The following SLC25A6 variants were observed in gnomAD, a reference collection of about 807,000 sequenced individuals.
SLC25A6 encodes ADP/ATP translocase 3.
Under a neutral mutation model 25.7 loss-of-function variants are expected in SLC25A6, and 9 were observed. The ratio of observed to expected loss-of-function variants is 0.35; its 90% CI spans 0.21 to 0.61. The LOEUF (loss-of-function observed/expected upper bound fraction) is 0.61. SLC25A6 is among the 20% of genes least tolerant of loss of function. The pLI is 0.76. For missense variants in SLC25A6, 404 were observed against 440.5 expected, an observed-to-expected ratio of 0.92 and a Z score of 0.74; for synonymous variants, 223 against 197.0, an observed-to-expected ratio of 1.13 and a Z score of -1.11.
Position 1,389,430 on chromosome X carries a change from C to T in SLC25A6, c.409G>A (p.Ala137Thr), listed in dbSNP as rs200654415. ...SLCFVYPLDF[A>T]RTRLAADVGK... ...ACGTCCGCTGCCAGGCGGGTTCTGG[C>T]GAAATCCAGCGGGTACACGAAGCAG... Residue 137 changes from alanine to threonine, a missense_variant, in exon 2 of 4, where the codon GCC becomes ACC. Physicochemically the swap from Ala to Thr is moderately conservative, Grantham distance 58 (BLOSUM62 0). Transcript: ENST00000381401. 100 of 1,613,820 alleles carry T rather than the reference C, an allele frequency of 6.2e-5. No individual in the cohort carries two copies. The Admixed American group carries it at 1.2e-3, about 19-fold the overall frequency.
chrX:1,391,821 G>A (rs1182134921), intron 1 of SLC25A6, 78 bp downstream of exon 1: 23 of 1,158,750 alleles, frequency 2.0e-5, no homozygotes, highest in Non-Finnish European at 2.8e-5. Flanking sequence ...GCAAGGCTCT[G>A]CTGCCCACGT....
chrX:1,386,679 C>T lies in SLC25A6; in HGVS notation c.820G>A (p.Ala274Thr). 2 of 1,613,360 alleles carry T rather than the reference C, an allele frequency of 1.2e-6. No individual in the cohort carries two copies. The highest frequency in any genetic ancestry group is 1.1e-5 in the South Asian group (1 of 91,014). Residue 274 changes from alanine to threonine, a missense_variant, in exon 4 of 4, where the codon GCG (alanine) becomes ACG (threonine). Physicochemically the swap from Ala to Thr is moderately conservative, Grantham distance 58. Coordinates refer to ENST00000381401, the MANE Select transcript of SLC25A6 (RefSeq NM_001636.4). ...ATGCCCCGCAGGACGTTGGACCACG[C>T]ACCCTTGAAGAAGGCCTTGCCCCCC... ...DEGGKAFFKG[A>T]WSNVLRGMGG... is the part of the protein sequence containing the mutation.
At position 1,389,241 on chromosome X, in the gene SLC25A6, C is replaced by A. The variant is rs752633909; in HGVS notation, c.598G>T (p.Gly200Cys). The A allele has an allele frequency of 6.2e-7, 1 of 1,610,860 alleles. No homozygotes were observed. The highest frequency in any genetic ancestry group is 1.3e-5 in the African/African-American group (1 of 74,968). ...AYFGVYDTAK[G>C]MLPDPKNTHI... ...ACTTCGCGATGGCAGCCACACGTAC[C>A]CTTGGCCGTATCGTACACGCCGAAG... The change falls in exon 2 of 4, where the codon GGC (glycine) becomes TGC (cysteine). Residue 200 changes from glycine to cysteine, a missense_variant and splice_region_variant. Physicochemically the swap from Gly to Cys is radical, Grantham distance 159 (BLOSUM62 -3). Coordinates refer to ENST00000381401, the MANE Select transcript of SLC25A6 (RefSeq NM_001636.4).
chrX:1,388,666 C>A (rs1279419600), intron 2 of SLC25A6, among the ~76,000 whole-genome samples: 3 of 152,002 alleles, frequency 2.0e-5, no homozygotes, highest in African/African-American at 7.3e-5. Context: ...TCAGGAGGAA[C>A]CAGCCCTGCC....
In SLC25A6 at chrX:1,389,521, G is replaced by T; in HGVS notation, c.318C>A (p.His106Gln). The change falls in exon 2 of 4, where the codon CAC (histidine) becomes CAA (glutamine). Residue 106 changes from histidine (H) to glutamine (Q), a missense_variant. Physicochemically the swap from His to Gln is conservative, Grantham distance 24. Transcript: ENST00000381401. Reference protein sequence around the residue: ...KQIFLGGVDKHTQFWRYFAGN... With the variant: ...KQIFLGGVDKQTQFWRYFAGN... ...CCGCAAAGTACCTCCAGAACTGCGT[G>T]TGCTTGTCCACGCCCCCCAGGAAGA... 6.2e-7 allele frequency: 1 copy of T among 1,614,212 alleles called. No homozygotes were observed. The highest frequency in any genetic ancestry group is 8.5e-7 in the Non-Finnish European group (1 of 1,180,038).
Position 1,389,406 on chromosome X carries a change from C to A in SLC25A6, c.433G>T (p.Val145Leu). 1.2e-6 allele frequency: 2 copies of A among 1,613,792 alleles called. No homozygotes were observed. The highest frequency in any genetic ancestry group is 1.7e-6 in the Non-Finnish European group (2 of 1,179,872). ...DFARTRLAAD[V>L]GKSGTEREFR... ...TCGCGCTCTGTGCCTGACTTTCCCA[C>A]GTCCGCTGCCAGGCGGGTTCTGGCG... Residue 145 changes from valine (V) to leucine (L), a missense_variant, in exon 2 of 4, where the codon GTG becomes TTG. Transcript: ENST00000381401.
rs1481649736 is a variant in SLC25A6 at position 1,389,237 on chromosome X, G to A, written c.598+4C>T. ...TGGGACTTCGCGATGGCAGCCACAC[G>A]TACCCTTGGCCGTATCGTACACGCC... On this transcript the variant is annotated splice_donor_region_variant and intron_variant, in intron 2 of 3. Transcript: ENST00000381401. The A allele has an allele frequency of 4.4e-6, 7 of 1,608,586 alleles. No homozygotes were observed. Among genetic ancestry groups the A allele is most frequent in the South Asian group, 3.3e-5 (3 of 90,984 alleles).
rs765298151 is a variant in SLC25A6 at position 1,389,248 on chromosome X, C to T, written c.591G>A (p.Thr197=). 2.0e-5 allele frequency: 32 copies of T among 1,611,282 alleles called. No homozygotes were observed. The highest frequency in any genetic ancestry group is 1.0e-4 in the Admixed American group (6 of 59,962). The change falls in exon 2 of 4, where the codon ACG becomes ACA. Residue 197 remains threonine, a synonymous_variant. Transcript: ENST00000381401. ...YRAAYFGVYD[T]AKGMLPDPKN... is the part of the protein sequence containing the mutation. ...GATGGCAGCCACACGTACCCTTGGC[C>T]GTATCGTACACGCCGAAGTAGGCCG...
chrX:1,386,579 G>T lies in SLC25A6; in HGVS notation c.*23C>A. On this transcript the variant is annotated 3_prime_UTR_variant, in exon 4 of 4. Coordinates refer to ENST00000381401, the MANE Select transcript of SLC25A6 (RefSeq NM_001636.4). The stretch of plus-strand genomic sequence containing the variant: ...CTCTTGGTTCCCCTGGTGTGTGTGT[G>T]TGTGTGGAGGAGGCCGCGGCCCTTA... 1 of 1,525,060 alleles carries T rather than the reference G, an allele frequency of 6.6e-7. No individual in the cohort carries two copies. The highest frequency in any genetic ancestry group is 8.8e-7 in the Non-Finnish European group (1 of 1,138,380). 94.5% of individuals were successfully genotyped at this position (1,525,060 alleles called of 1,614,324 possible).
rs765383915 is a variant in SLC25A6 at position 1,392,044 on chromosome X, C to G, written c.-35G>C. ...GCGGGCAGCGGAACGGGAGGACAGCCGGAGAACGGGCGCGGAGAGTGAATG... is the reference window on the plus strand; with the variant it reads ...GCGGGCAGCGGAACGGGAGGACAGCGGGAGAACGGGCGCGGAGAGTGAATG... On this transcript the variant is annotated 5_prime_UTR_variant, in exon 1 of 4. Transcript: ENST00000381401. The G allele has an allele frequency of 6.6e-7, 1 of 1,519,490 alleles. No homozygotes were observed. Among genetic ancestry groups the G allele is most frequent in the African/African-American group, 1.4e-5 (1 of 72,844 alleles). The allele number at this position is 1,519,490 out of a possible 1,614,324, so 94.1% of individuals were successfully genotyped here. A position where few individuals can be genotyped will look rare whatever the true frequency, so the allele number is the denominator to read the frequency against.
rs1216295546 is a variant in SLC25A6 at position 1,386,485 on chromosome X, G to A, written c.*117C>T. On this transcript the variant is annotated 3_prime_UTR_variant, in exon 4 of 4. Coordinates refer to ENST00000381401, the MANE Select transcript of SLC25A6 (RefSeq NM_001636.4). ...CCCCGGCCATCTACAGGCAGGATGC[G>A]GCTGGGAAAAAGACAACTGGAATTT... is the stretch of plus-strand genomic sequence containing the variant. 1.9e-5 allele frequency: 25 copies of A among 1,305,360 alleles called. No homozygotes were observed. The highest frequency in any genetic ancestry group is 9.2e-5 in the African/African-American group (6 of 65,264). The allele number at this position is 1,305,360 out of a possible 1,614,324, so 80.9% of individuals were successfully genotyped here. A position where few individuals can be genotyped will look rare whatever the true frequency, so the allele number is the denominator to read the frequency against.
At position 1,386,769 on chromosome X, in the gene SLC25A6, C is replaced by A. The variant is rs1233482332; in HGVS notation, c.740-10G>T. On this transcript the variant is annotated splice_polypyrimidine_tract_variant and intron_variant, in intron 3 of 3. Coordinates refer to ENST00000381401, the MANE Select transcript of SLC25A6 (RefSeq NM_001636.4). ...GTGTACATGATGTCAGCTGCAACGA[C>A]AGGGAGACAGTGAGGGCCTCGCCGC... is the stretch of plus-strand genomic sequence containing the variant. The A allele has an allele frequency of 1.2e-6, 2 of 1,600,068 alleles. No homozygotes were observed. The highest frequency in any genetic ancestry group is 1.7e-4 in the Middle Eastern group (1 of 6,006).
intron 2 of SLC25A6, among the ~76,000 whole-genome samples, chrX:1,388,568 A>C (rs1232133708): frequency 6.6e-6 from 1 of 151,364 alleles, no homozygotes; most frequent in Non-Finnish European, 1.5e-5. Flanking sequence ...AAATGGACTA[A>C]GACATCTCAT....
At chrX:1,391,555 G>A (rs2089411885) in intron 1 of SLC25A6, among the ~76,000 whole-genome samples, 1 of 152,244 alleles carries the variant, frequency 6.6e-6, no homozygotes, top group Non-Finnish European at 1.5e-5. Context: ...GGCATCCACC[G>A]GAAGGGTTGG....
At chrX:1,389,818 T>C in intron 1 of SLC25A6, 91 bp from the exon 2 acceptor site, 8 of 1,547,618 alleles carry the variant, frequency 5.2e-6, no homozygotes, top group Non-Finnish European at 7.0e-6. Flanking sequence ...TTGACACAAG[T>C]CACTCTTGTT....
chrX:1,387,688 A>C (rs757605418), intron 2 of SLC25A6, among the ~76,000 whole-genome samples: 18 of 152,318 alleles, frequency 1.2e-4, no homozygotes, highest in African/African-American at 4.1e-4. Context: ...GGGGAAGGGA[A>C]TAGGGCCCTG....
At position 1,391,916 on chromosome X, in the gene SLC25A6, C is replaced by A. The variant is rs1318739641; in HGVS notation, c.94G>T (p.Val32Phe). Residue 32 changes from valine to phenylalanine, a missense_variant, in exon 1 of 4, where the codon GTC becomes TTC. Coordinates refer to ENST00000381401, the MANE Select transcript of SLC25A6 (RefSeq NM_001636.4). ...SKTAVAPIERVKLLLQVQHAS... is the reference protein window; with the variant it reads ...SKTAVAPIERFKLLLQVQHAS... Reference sequence around the variant, plus strand: ...GTCCCCACCTGCAGCAGCAGCTTGACCCGCTCGATCGGAGCCACGGCCGTC... The same window carrying A: ...GTCCCCACCTGCAGCAGCAGCTTGAACCGCTCGATCGGAGCCACGGCCGTC... 1.2e-6 allele frequency: 2 copies of A among 1,607,560 alleles called. No individual in the cohort carries two copies. The highest frequency in any genetic ancestry group is 1.7e-6 in the Non-Finnish European group (2 of 1,178,378).
Position 1,389,741 on chromosome X carries a change from A to C in SLC25A6, c.112-14T>G. On this transcript the variant is annotated splice_polypyrimidine_tract_variant and intron_variant, in intron 1 of 3. Coordinates refer to ENST00000381401, the MANE Select transcript of SLC25A6 (RefSeq NM_001636.4). ...GGCGTGCTGGACCTGGGGGACGCAG[A>C]GGGTGTTCAGACCAGACCCAGGGCC... The C allele has an allele frequency of 6.2e-7, 1 of 1,610,276 alleles. No individual in the cohort carries two copies. Among genetic ancestry groups the C allele is most frequent in the East Asian group, 2.2e-5 (1 of 44,814 alleles).
At chrX:1,391,594 C>T (rs2089412592) in intron 1 of SLC25A6, among the ~76,000 whole-genome samples, 1 of 152,232 alleles carries the variant, frequency 6.6e-6, no homozygotes, top group Non-Finnish European at 1.5e-5. Flanking sequence ...CAGGATTGAG[C>T]TCAAGGTCAA....
Sources: allele counts gnomAD v4.1 joint callset (sites outside exome capture counted in the v4.1 genomes callset), GRCh38; gene constraint gnomAD v4.1.1; transcripts MANE v1.5; gene names NCBI Gene and HGNC (gene_info 2026-07-23, HGNC 2026-07-21).